FAR2: variants seen among roughly 807,000 people sequenced by gnomAD.
FAR2 encodes epididymis secretory protein Li 81.
FAR2 carries 19 observed loss-of-function variants against 56.0 expected under a neutral mutation model. The observed-to-expected ratio is 0.34, with a 90% CI of 0.24 to 0.50. FAR2 has a LOEUF of 0.50. Among genes scored for constraint, FAR2 ranks in the 20% least tolerant of loss-of-function variants. The pLI, the probability that FAR2 is intolerant of heterozygous loss-of-function variation, is 0.98. For missense variants in FAR2, 508 were observed against 642.2 expected (o/e 0.79, Z 2.26); for synonymous variants, 219 against 218.8 (o/e 1.00, Z -0.01).
intron 4 of FAR2, among the ~76,000 whole-genome samples, chr12:29,297,965 G>A (rs1949098131): frequency 6.6e-6 from 1 of 150,508 alleles, no homozygotes; most frequent in Admixed American, 6.6e-5. Flanking sequence ...GAACCTGGGA[G>A]GCAGAGGTTG....
At chr12:29,240,586 T>C (rs921854927) in intron 1 of FAR2, among the ~76,000 whole-genome samples, 4 of 152,038 alleles carry the variant, frequency 2.6e-5, no homozygotes, top group African/African-American at 9.7e-5. Flanking sequence ...CCAGTTTGCT[T>C]CATGGGCATT....
intron 9 of FAR2, among the ~76,000 whole-genome samples, chr12:29,318,237 A>G (rs1033308004): frequency 6.6e-6 from 1 of 152,208 alleles, no homozygotes; most frequent in Non-Finnish European, 1.5e-5. Context: ...ATTTTTAAAG[A>G]CCTCATTTGG....
intron 1 of FAR2, among the ~76,000 whole-genome samples, chr12:29,205,898 T>C (rs1183144185): frequency 6.6e-6 from 1 of 152,134 alleles, no homozygotes; most frequent in Non-Finnish European, 1.5e-5. Context: ...TAGATGCTCA[T>C]TATGAAAAGC....
At chr12:29,215,778 C>T (rs1477297584) in intron 1 of FAR2, among the ~76,000 whole-genome samples, 1 of 151,986 alleles carries the variant, frequency 6.6e-6, no homozygotes, top group Non-Finnish European at 1.5e-5. Flanking sequence ...ATTAATATAT[C>T]AATATATAAA....
At chr12:29,255,217 C>T (rs1007578031) in intron 1 of FAR2, among the ~76,000 whole-genome samples, 7 of 152,264 alleles carry the variant, frequency 4.6e-5, no homozygotes, top group African/African-American at 1.7e-4. Context: ...GGCCTTTCTT[C>T]CTGGCTTGCA....
chr12:29,313,941 A>G (rs570906929), intron 8 of FAR2, among the ~76,000 whole-genome samples: 1 of 144,990 alleles, frequency 6.9e-6, no homozygotes, highest in East Asian at 1.9e-4. Flanking sequence ...TAACTTAGAA[A>G]TATAGCTCAC....
chr12:29,264,355 A>G (rs1298668150), intron 1 of FAR2, among the ~76,000 whole-genome samples: 2 of 152,214 alleles, frequency 1.3e-5, no homozygotes, highest in African/African-American at 4.8e-5. Context: ...TGAGACCCAC[A>G]GCTAGTATCA....
At chr12:29,308,717 C>CATATAT (rs1257059758) in intron 5 of FAR2, among the ~76,000 whole-genome samples, 1 of 129,340 alleles carries the variant, frequency 7.7e-6, no homozygotes, top group Non-Finnish European at 1.6e-5. Context: ...CACACACACA[C>CATATAT]ACATATATAT....
intron 1 of FAR2, among the ~76,000 whole-genome samples, chr12:29,197,521 G>A (rs1237111885): frequency 2.0e-5 from 3 of 152,156 alleles, no homozygotes; most frequent in African/African-American, 4.8e-5. Context: ...TTTCGTTGAT[G>A]AGTAAACTGA....
At chr12:29,307,621 CAT>C (rs769914306) in intron 4 of FAR2, 35 bp from the exon 5 acceptor site, 6 of 1,553,872 alleles carry the variant, frequency 3.9e-6, no homozygotes, top group Non-Finnish European at 5.2e-6. Flanking sequence ...TATTGTCTAA[CAT>C]ATGTTACTAG....
chr12:29,254,750 G>C (rs1205255096), intron 1 of FAR2, among the ~76,000 whole-genome samples: 1 of 152,078 alleles, frequency 6.6e-6, no homozygotes, highest in South Asian at 2.1e-4. Flanking sequence ...TCAGGAGTTC[G>C]AGACTAGCGT....
chr12:29,183,186 G>C (rs947795206), intron 1 of FAR2, among the ~76,000 whole-genome samples: 1 of 151,932 alleles, frequency 6.6e-6, no homozygotes, highest in Non-Finnish European at 1.5e-5. Flanking sequence ...CACTCTCCTG[G>C]TTTTCCTCCT....
chr12:29,295,322 C>T (rs1373206885), intron 3 of FAR2, among the ~76,000 whole-genome samples: 2 of 152,196 alleles, frequency 1.3e-5, no homozygotes, highest in African/African-American at 4.8e-5. Context: ...GATCCGCCCG[C>T]CTCGGCCTCC....
At chr12:29,299,760 G>A (rs6487803) in intron 4 of FAR2, among the ~76,000 whole-genome samples, 82,671 of 151,930 alleles carry the variant, frequency 0.54, 22,959 homozygotes, top group East Asian at 0.65. Flanking sequence ...AAAGAAGTAA[G>A]GCCTTCCCTC....
intron 1 of FAR2, among the ~76,000 whole-genome samples, chr12:29,237,481 C>T (rs1409543366): frequency 6.6e-6 from 1 of 152,180 alleles, no homozygotes; most frequent in Non-Finnish European, 1.5e-5. Context: ...AGTTAGATTT[C>T]AGCCCTTGTG....
At chr12:29,179,301 A>G (rs1949969778) in intron 1 of FAR2, among the ~76,000 whole-genome samples, 1 of 152,214 alleles carries the variant, frequency 6.6e-6, no homozygotes, top group South Asian at 2.1e-4. Flanking sequence ...GCTGATATAC[A>G]TCATGGGAGG....
intron 8 of FAR2, among the ~76,000 whole-genome samples, chr12:29,314,382 C>CT (rs1239148600): frequency 1.3e-5 from 2 of 150,752 alleles, no homozygotes; most frequent in Non-Finnish European, 3.0e-5. Flanking sequence ...GACTCCACTA[C>CT]TTACTAGTTG....
At chr12:29,309,050 A>C in intron 5 of FAR2, 136 bp from the exon 6 acceptor site, 1 of 697,080 alleles carries the variant, frequency 1.4e-6, no homozygotes, top group Non-Finnish European at 2.5e-6. Context: ...AGATCTTAAT[A>C]ATACTGAATT....
At chr12:29,211,373 CTCTT>C (rs1218021906) in intron 1 of FAR2, among the ~76,000 whole-genome samples, 5 of 152,180 alleles carry the variant, frequency 3.3e-5, no homozygotes, top group South Asian at 4.1e-4. Context: ...TCCTCCTAGC[CTCTT>C]TCTAAGACTT....
Sources: gnomAD v4.1 joint callset for allele counts (sites outside exome capture counted in the v4.1 genomes callset) on GRCh38, gnomAD v4.1.1 for gene constraint, MANE v1.5 for transcripts, NCBI Gene and HGNC (gene_info 2026-07-23, HGNC 2026-07-21) for gene names.